Variants in ATG3 observed in about 807,000 individuals in gnomAD.
ATG3 encodes the protein ubiquitin-like-conjugating enzyme ATG3.
In ATG3, 25 loss-of-function variants were observed where a neutral mutation model predicts 50.7. That is an observed-to-expected ratio of 0.49 (90% CI 0.36 to 0.69). The LOEUF is 0.69. ATG3 is among the 30% of genes least tolerant of loss of function. ATG3 has a pLI of 0.00. For synonymous variants in ATG3, 119 were observed against 125.5 expected (o/e 0.95, Z 0.34); for missense variants, 281 against 376.0 (o/e 0.75, Z 2.09).
chr3:112,548,082 A>G (rs1430922880), intron 5 of ATG3, among the ~76,000 whole-genome samples: 3 of 152,186 alleles, frequency 2.0e-5, no homozygotes, highest in Non-Finnish European at 4.4e-5. Flanking sequence ...GGCCGGGCGC[A>G]GTGGCTCATG....
At chr3:112,541,948 A>C in intron 6 of ATG3, 64 bp from the exon 7 acceptor site, 2 of 1,295,134 alleles carry the variant, frequency 1.5e-6, no homozygotes, top group Non-Finnish European at 2.2e-6. Context: ...CTGAACACCC[A>C]TGTGCTAGCA....
At chr3:112,544,967 G>A (rs1052377627) in intron 5 of ATG3, among the ~76,000 whole-genome samples, 1 of 152,026 alleles carries the variant, frequency 6.6e-6, no homozygotes, top group South Asian at 2.1e-4. Context: ...TTGGATTTTT[G>A]GATTAGGGAT....
At chr3:112,549,107 A>G (rs945421247) in intron 4 of ATG3, among the ~76,000 whole-genome samples, 1 of 152,234 alleles carries the variant, frequency 6.6e-6, no homozygotes, top group Non-Finnish European at 1.5e-5. Flanking sequence ...TTCATATTTA[A>G]GTTCCAGTTA....
intron 9 of ATG3, 122 bp downstream of exon 9, chr3:112,537,613 T>C: frequency 1.4e-6 from 1 of 702,032 alleles, no homozygotes; most frequent in African/African-American, 1.8e-5. Context: ...CATAAAACTG[T>C]AAAACAGATG....
At chr3:112,556,360 G>A (rs1310433166) in intron 2 of ATG3, among the ~76,000 whole-genome samples, 1 of 151,526 alleles carries the variant, frequency 6.6e-6, no homozygotes, top group Non-Finnish European at 1.5e-5. Context: ...GGGAAGAGAG[G>A]AGCCCCTCTG....
chr3:112,537,759 T>A lies in ATG3; in HGVS notation c.642A>T (p.Arg214=), dbSNP rs1320965131. The part of the protein sequence containing the change: ...ITYDKYYQTP[R]LWLFGYDEQR... ...CCTCATCATAGCCAAACAACCATAA[T>A]CGTGGAGTCTGGTAATATTTATCAT... is the stretch of plus-strand genomic sequence containing the variant. The change falls in exon 9 of 12, where the codon CGA becomes CGT. Residue 214 remains arginine (R), a synonymous_variant. Coordinates refer to ENST00000283290, the MANE Select transcript of ATG3 (RefSeq NM_022488.5). 8 of 1,592,384 alleles carry A rather than the reference T, an allele frequency of 5.0e-6. No individual in the cohort carries two copies. In the Admixed American group the frequency reaches 1.5e-4, roughly 29 times the overall value.
intron 5 of ATG3, among the ~76,000 whole-genome samples, chr3:112,544,938 G>C (rs1437221904): frequency 6.6e-6 from 1 of 151,956 alleles, no homozygotes; most frequent in African/African-American, 2.4e-5. Context: ...AAAAAGTTTT[G>C]GCTTTTGGAA....
rs771813895 is a variant in ATG3, at chr3:112,537,860, C to T, written c.541G>A (p.Ala181Thr). 6 of 1,611,204 alleles carry T rather than the reference C, an allele frequency of 3.7e-6. No individual in the cohort carries two copies. Among genetic ancestry groups the T allele is most frequent in the South Asian group, 3.3e-5 (3 of 90,172 alleles). The stretch of plus-strand genomic sequence containing the variant: ...CCAGCATCAGTTTTGGCTTTACAAG[C>T]TTCTACTATTTTCCTTGTATCTAGG... ...ATLDTRKIVE[A>T]CKAKTDAGGE... Residue 181 changes from alanine (A) to threonine (T), a missense_variant, in exon 9 of 12, where the codon GCT (alanine) becomes ACT (threonine). By Grantham distance (58) the Ala-to-Thr change is moderately conservative (BLOSUM62 0). Coordinates refer to ENST00000283290, the MANE Select transcript of ATG3 (RefSeq NM_022488.5).
intron 2 of ATG3, among the ~76,000 whole-genome samples, chr3:112,557,444 C>G (rs1933718733): frequency 6.6e-6 from 1 of 152,110 alleles, no homozygotes. Context: ...ATGGTGAAAC[C>G]CCATCTCTAC....
intron 2 of ATG3, 163 bp downstream of exon 2, chr3:112,558,213 T>G: frequency 1.7e-6 from 1 of 586,676 alleles, no homozygotes; most frequent in Non-Finnish European, 3.1e-6. Flanking sequence ...AAGTTACATC[T>G]TTTCTTCTAT....
chr3:112,544,427 G>A (rs572925700), intron 5 of ATG3, among the ~76,000 whole-genome samples: 110 of 152,072 alleles, frequency 7.2e-4, no homozygotes, highest in Non-Finnish European at 1.4e-3. Context: ...AAGCTGGGGC[G>A]GGTGGATCAT....
chr3:112,560,680 A>G (rs965498590), intron 1 of ATG3, among the ~76,000 whole-genome samples: 4 of 152,206 alleles, frequency 2.6e-5, no homozygotes, highest in Non-Finnish European at 5.9e-5. Flanking sequence ...ACACTCCAAA[A>G]GAGTTATAAA....
chr3:112,561,395 G>C (rs1576734449), intron 1 of ATG3, 62 bp downstream of exon 1: 1 of 1,546,986 alleles, frequency 6.5e-7, no homozygotes. Flanking sequence ...CTCCTGCGGC[G>C]CCTGGTCCCT....
Position 112,561,529 on chromosome 3 carries a change from C to T in ATG3, c.-1G>A. 1 of 1,609,294 alleles carries T rather than the reference C, an allele frequency of 6.2e-7. No individual in the cohort carries two copies. Among genetic ancestry groups the T allele is most frequent in the Non-Finnish European group, 8.5e-7 (1 of 1,179,326 alleles). On this transcript the variant is annotated 5_prime_UTR_variant, in exon 1 of 12. Coordinates refer to ENST00000283290, the MANE Select transcript of ATG3 (RefSeq NM_022488.5). ...TCACAGTATTAATCACATTCTGCAT[C>T]CTGGGGCCGGAGTAGCGGCCGGCCC...
chr3:112,534,138 TCTA>T (rs1032534339), intron 11 of ATG3, 128 bp downstream of exon 11: 19 of 1,433,070 alleles, frequency 1.3e-5, no homozygotes, highest in African/African-American at 2.9e-5. Flanking sequence ...ATGAAAGACT[TCTA>T]CTAGGATTTT....
rs1166860517 is a variant in ATG3 at position 112,542,371 on chromosome 3, CAAG to C, written c.394-490_394-488del. ...CAGACTTTACAGTTATTAAAATGCACAAGATATCAGTTCAATTTCTTAACTATA... is the reference window on the plus strand; with the variant it reads ...CAGACTTTACAGTTATTAAAATGCACATATCAGTTCAATTTCTTAACTATA... On this transcript the variant is annotated intron_variant, in intron 6 of 11. Coordinates refer to ENST00000283290, the MANE Select transcript of ATG3 (RefSeq NM_022488.5). Among the ~76,000 whole-genome samples, 3 of 152,040 alleles carry C rather than the reference CAAG, an allele frequency of 2.0e-5. No homozygotes were observed. In the East Asian group the frequency reaches 5.8e-4, roughly 29 times the overall value.
chr3:112,533,052 C>T (rs1362591626), intron 11 of ATG3: 19 of 1,076,842 alleles, frequency 1.8e-5, no homozygotes, highest in Non-Finnish European at 2.0e-5. Flanking sequence ...ATAAAAAGGA[C>T]AAAGCTATAC....
intron 7 of ATG3, among the ~76,000 whole-genome samples, chr3:112,539,416 T>C (rs1304241838): frequency 1.3e-5 from 2 of 152,150 alleles, no homozygotes; most frequent in Non-Finnish European, 2.9e-5. Context: ...CTCAGTACCT[T>C]TGCACTCTTC....
chr3:112,548,267 G>A (rs1399917982), intron 5 of ATG3, among the ~76,000 whole-genome samples: 8 of 152,124 alleles, frequency 5.3e-5, no homozygotes, highest in South Asian at 2.1e-4. Flanking sequence ...CAGGAGAATC[G>A]CTTGAACCCG....
Sources: allele counts gnomAD v4.1 joint callset (sites outside exome capture counted in the v4.1 genomes callset), GRCh38; gene constraint gnomAD v4.1.1; transcripts MANE v1.5; gene names NCBI Gene and HGNC (gene_info 2026-07-23, HGNC 2026-07-21).